LARGE1: variants seen among roughly 807,000 people sequenced by gnomAD.
LARGE1 encodes the protein xylosyl- and glucuronyltransferase LARGE1.
In LARGE1, 43 loss-of-function variants were observed where a neutral mutation model predicts 87.6. That is an observed-to-expected ratio of 0.49 (90% CI 0.38 to 0.63). The LOEUF (loss-of-function observed/expected upper bound fraction) is 0.63, where lower values mean the gene tolerates loss of function less well. Among genes scored for constraint, LARGE1 ranks in the 30% least tolerant of loss-of-function variants. The pLI is 0.00. For synonymous variants in LARGE1, 434 were observed against 394.6 expected (o/e 1.10, Z -1.18); for missense variants, 802 against 1,000.2 (o/e 0.80, Z 2.67).
At chr22:33,805,677 T>G (rs975694358) in intron 1 of LARGE1, among the ~76,000 whole-genome samples, 1 of 151,862 alleles carries the variant, frequency 6.6e-6, no homozygotes, top group East Asian at 1.9e-4. Context: ...GAGGTTGCCA[T>G]GAGCCCAGAT....
rs528038810 is a variant in LARGE1, at chr22:33,493,643, G to A, written c.788-61378C>T. On this transcript the variant is annotated intron_variant, in intron 6 of 14. Coordinates refer to ENST00000397394, the MANE Select transcript of LARGE1 (RefSeq NM_133642.5). ...CAACAGCAGCAACCCTATGAAGTAG[G>A]CAGTATGATCATACCCATTTTGCAG... Among the ~76,000 whole-genome samples, 4 of 152,232 alleles carry A rather than the reference G, an allele frequency of 2.6e-5. No homozygotes were observed. The East Asian group carries it at 7.7e-4, about 29-fold the overall frequency.
At chr22:33,380,600 A>G (rs2065125623) in intron 9 of LARGE1, among the ~76,000 whole-genome samples, 1 of 152,200 alleles carries the variant, frequency 6.6e-6, no homozygotes, top group Non-Finnish European at 1.5e-5. Flanking sequence ...TCACCCAGAA[A>G]ATGCTTATGA....
At position 33,600,768 on chromosome 22, in the gene LARGE1, C is replaced by T. The variant is rs773674359; in HGVS notation, c.615+3667G>A. On this transcript the variant is annotated intron_variant, in intron 5 of 14. Transcript: ENST00000397394. ...CTCGGTTAAGAACTGTGGCCTCAGC[C>T]GGGGGCAGTGGCTCATGCCCGTAAT... Among the ~76,000 whole-genome samples, 49 of 152,072 alleles carry T rather than the reference C, an allele frequency of 3.2e-4. 1 individual carries two copies. Among genetic ancestry groups the T allele is most frequent in the Non-Finnish European group, 5.9e-4 (40 of 68,014 alleles).
chr22:33,530,459 G>A (rs1166243599), intron 6 of LARGE1, among the ~76,000 whole-genome samples: 1 of 122,568 alleles, frequency 8.2e-6, no homozygotes, highest in African/African-American at 2.9e-5. Context: ...CTCTTGCTGA[G>A]GCTTTTTTTT....
chr22:33,628,606 G>A (rs367895792), intron 3 of LARGE1, among the ~76,000 whole-genome samples: 2,681 of 152,188 alleles, frequency 0.018, 59 homozygotes, highest in African/African-American at 0.061. Flanking sequence ...ATAAGCCATC[G>A]CACCCCGCCT....
At chr22:33,331,410 CTTT>C (rs35310608) in intron 10 of LARGE1, among the ~76,000 whole-genome samples, 35 of 135,446 alleles carry the variant, frequency 2.6e-4, no homozygotes, top group Admixed American at 3.0e-4. Context: ...CTCTTCTTAT[CTTT>C]TTTTTTTTTT....
At chr22:33,156,130 G>C in the LARGE1 span, among the ~76,000 whole-genome samples, 1 of 152,210 alleles carries the variant, frequency 6.6e-6, no homozygotes, top group Admixed American at 6.5e-5. Flanking sequence ...GAGAACCTCT[G>C]CTAGGGCAGT....
At position 33,402,442 on chromosome 22, in the gene LARGE1, T is replaced by C. The variant is rs116644959; in HGVS notation, c.893-18138A>G. 4.6e-3 allele frequency among the ~76,000 whole-genome samples: 702 copies of C among 152,238 alleles called. 4 individuals are homozygous for C. Among genetic ancestry groups the C allele is most frequent in the African/African-American group, 0.016 (669 of 41,532 alleles). The stretch of plus-strand genomic sequence containing the variant: ...GCTGCTTCTCTGACTAATTTGGGAA[T>C]GACAGCAAGAATACAGTCACCTCCC... On this transcript the variant is annotated intron_variant, in intron 7 of 14. Transcript: ENST00000397394.
At chr22:33,318,826 T>A (rs1936438166) in intron 10 of LARGE1, among the ~76,000 whole-genome samples, 1 of 151,934 alleles carries the variant, frequency 6.6e-6, no homozygotes, top group East Asian at 1.9e-4. Context: ...GCCTTGTCTA[T>A]CACACGATAG....
intron 10 of LARGE1, among the ~76,000 whole-genome samples, chr22:33,326,572 G>A (rs2146427404): frequency 6.6e-6 from 1 of 152,296 alleles, no homozygotes; most frequent in East Asian, 1.9e-4. Flanking sequence ...GAGGTGCAGG[G>A]AGTTTAAGCA....
chr22:33,504,419 C>T (rs1298624964), intron 6 of LARGE1, among the ~76,000 whole-genome samples: 1 of 152,144 alleles, frequency 6.6e-6, no homozygotes, highest in African/African-American at 2.4e-5. Flanking sequence ...ACCGCCATCC[C>T]CGGCTAATTT....
chr22:33,228,402 T>C (rs977118347), intron 11 of LARGE1, among the ~76,000 whole-genome samples: 4 of 152,264 alleles, frequency 2.6e-5, no homozygotes, highest in African/African-American at 4.8e-5. Context: ...CTATTCTGCT[T>C]CTTGACTAGT....
In LARGE1 at chr22:33,491,505, C is replaced by T. The variant is rs117377447; in HGVS notation, c.788-59240G>A. The stretch of plus-strand genomic sequence containing the variant: ...ATTCAATAATTTAAAAGACAATGCT[C>T]GACGCTCACTTCAAGGTGAGAGAAA... On this transcript the variant is annotated intron_variant, in intron 6 of 14. Transcript: ENST00000397394. Among the ~76,000 whole-genome samples, 536 of 152,264 alleles carry T rather than the reference C, an allele frequency of 3.5e-3. 5 individuals are homozygous for T. The highest frequency in any genetic ancestry group is 0.024 in the South Asian group (114 of 4,824).
the LARGE1 span, among the ~76,000 whole-genome samples, chr22:33,112,285 A>G: frequency 6.6e-6 from 1 of 152,218 alleles, no homozygotes; most frequent in Non-Finnish European, 1.5e-5. Context: ...CAAGGAAGTT[A>G]CTTAACCTCA....
chr22:33,735,011 G>A (rs1159835089), intron 2 of LARGE1, among the ~76,000 whole-genome samples: 1 of 152,164 alleles, frequency 6.6e-6, no homozygotes, highest in East Asian at 1.9e-4. Context: ...TGTCACTTTA[G>A]CAAAAGCATT....
chr22:33,590,342 T>C (rs1405458614), intron 5 of LARGE1, among the ~76,000 whole-genome samples: 1 of 152,222 alleles, frequency 6.6e-6, no homozygotes, highest in Non-Finnish European at 1.5e-5. Flanking sequence ...TGGAAGAGTT[T>C]AAAGCATTTA....
chr22:33,921,680 A>G (rs116949899), upstream of LARGE1, among the ~76,000 whole-genome samples: 613 of 151,944 alleles, frequency 4.0e-3, 3 homozygotes, highest in Non-Finnish European at 6.1e-3. This position sits in a 1 kb window ranked among gnomAD's most constrained non-coding sequence, Gnocchi z 4.1. Flanking sequence ...CACACACCCC[A>G]TGCACGCACA....
intron 2 of LARGE1, among the ~76,000 whole-genome samples, chr22:33,744,508 C>T (rs1362459871): frequency 6.6e-6 from 1 of 152,214 alleles, no homozygotes; most frequent in Non-Finnish European, 1.5e-5. Flanking sequence ...TGTGGCTCCT[C>T]TGTGTCTTCC....
intron 6 of LARGE1, among the ~76,000 whole-genome samples, chr22:33,458,977 C>T (rs972177070): frequency 6.6e-6 from 1 of 151,914 alleles, no homozygotes; most frequent in Non-Finnish European, 1.5e-5. Flanking sequence ...CATTGCTTCA[C>T]GTAAGTCTTC....
Sources: gnomAD v4.1 joint callset for allele counts (sites outside exome capture counted in the v4.1 genomes callset) on GRCh38, gnomAD v4.1.1 for gene constraint, Gnocchi (gnomAD v3.1) non-coding constraint, MANE v1.5 for transcripts, NCBI Gene and HGNC (gene_info 2026-07-23, HGNC 2026-07-21) for gene names.